Variants in SGCZ observed in about 807,000 individuals in gnomAD.
SGCZ encodes sarcoglycan zeta.
Under a neutral mutation model 41.3 loss-of-function variants are expected in SGCZ, and 40 were observed. The ratio of observed to expected loss-of-function variants is 0.97; its 90% CI spans 0.75 to 1.26. SGCZ has a LOEUF of 1.26. Ranked by LOEUF, SGCZ falls within the 50% of genes most tolerant of loss-of-function variation. The pLI, the probability that SGCZ is intolerant of heterozygous loss-of-function variation, is 0.00. For missense variants in SGCZ, 552 were observed against 369.8 expected (o/e 1.49, Z -4.04); for synonymous variants, 206 against 137.5 (o/e 1.50, Z -3.49).
At chr8:14,923,267 T>C (rs925040284) in intron 1 of SGCZ, among the ~76,000 whole-genome samples, 1 of 152,214 alleles carries the variant, frequency 6.6e-6, no homozygotes, top group African/African-American at 2.4e-5. Flanking sequence ...CTCAATGGAA[T>C]GGTTGCTATT....
intron 1 of SGCZ, among the ~76,000 whole-genome samples, chr8:14,950,204 C>G (rs1800588056): frequency 6.6e-6 from 1 of 152,016 alleles, no homozygotes; most frequent in South Asian, 2.1e-4. Context: ...TCAGGTCCAT[C>G]TTGCAGAGAA....
intron 1 of SGCZ, among the ~76,000 whole-genome samples, chr8:14,787,908 T>A (rs1800821338): frequency 6.6e-6 from 1 of 152,166 alleles, no homozygotes; most frequent in South Asian, 2.1e-4. Flanking sequence ...TGTTTCAGTA[T>A]CAAAGATAAC....
intron 4 of SGCZ, among the ~76,000 whole-genome samples, chr8:14,204,744 ACTTATTTTCCTACC>A (rs1405742874): frequency 3.9e-5 from 6 of 152,122 alleles, no homozygotes; most frequent in Admixed American, 3.9e-4. Flanking sequence ...GCTGGGACAC[ACTTATTTTCCTACC>A]CTTGGACCTC....
chr8:14,236,308 T>C (rs1006184414), intron 4 of SGCZ, among the ~76,000 whole-genome samples: 4 of 152,192 alleles, frequency 2.6e-5, no homozygotes, highest in African/African-American at 9.6e-5. Context: ...CACAAAATAT[T>C]ATCCAGTTGT....
chr8:14,469,044 TA>T (rs112439784), intron 2 of SGCZ, among the ~76,000 whole-genome samples: 5,412 of 152,124 alleles, frequency 0.036, 295 homozygotes, highest in African/African-American at 0.12. Flanking sequence ...TCTTTCTAAT[TA>T]GTTCTCCATG....
At chr8:14,684,813 G>T (rs13271787) in intron 1 of SGCZ, among the ~76,000 whole-genome samples, 94,166 of 151,908 alleles carry the variant, frequency 0.62, 31,799 homozygotes, top group Non-Finnish European at 0.75. Context: ...TAACCCTATT[G>T]GTAGCAGGCC....
chr8:15,233,219 A>G (rs912390523), intron 1 of SGCZ, among the ~76,000 whole-genome samples: 3 of 151,790 alleles, frequency 2.0e-5, no homozygotes, highest in African/African-American at 7.3e-5. Flanking sequence ...ATTTTTCACT[A>G]TAGAATGACT....
intron 1 of SGCZ, among the ~76,000 whole-genome samples, chr8:15,227,466 T>C (rs987908823): frequency 2.0e-5 from 3 of 152,226 alleles, no homozygotes; most frequent in Non-Finnish European, 4.4e-5. Flanking sequence ...ACACGTCTTA[T>C]AATGTAAACT....
chr8:14,947,690 A>T (rs184984269), intron 1 of SGCZ, among the ~76,000 whole-genome samples: 56 of 152,332 alleles, frequency 3.7e-4, no homozygotes, highest in African/African-American at 1.3e-3. Flanking sequence ...TGTTTAATCC[A>T]TTATAGATGA....
chr8:14,264,631 A>G (rs998969391), intron 3 of SGCZ, among the ~76,000 whole-genome samples: 1 of 152,154 alleles, frequency 6.6e-6, no homozygotes, highest in African/African-American at 2.4e-5. Flanking sequence ...GAAAATAATC[A>G]GTCTGCTTAG....
At chr8:14,390,300 T>C (rs927262930) in intron 2 of SGCZ, among the ~76,000 whole-genome samples, 1 of 151,838 alleles carries the variant, frequency 6.6e-6, no homozygotes, top group Admixed American at 6.6e-5. Context: ...TAAAATATTA[T>C]TTTGTTTAAT....
chr8:14,712,561 G>T (rs1809555349), intron 1 of SGCZ, among the ~76,000 whole-genome samples: 1 of 152,112 alleles, frequency 6.6e-6, no homozygotes, highest in South Asian at 2.1e-4. Flanking sequence ...CTTTTGGGGG[G>T]AGACAAATGG....
intron 2 of SGCZ, among the ~76,000 whole-genome samples, chr8:14,444,048 G>A (rs1453158145): frequency 2.0e-5 from 3 of 152,090 alleles, no homozygotes; most frequent in Non-Finnish European, 4.4e-5. Context: ...GCAGCCAAAA[G>A]ACACATGAAA....
chr8:14,406,915 C>T (rs1271951529), intron 2 of SGCZ, among the ~76,000 whole-genome samples: 1 of 152,158 alleles, frequency 6.6e-6, no homozygotes, highest in Non-Finnish European at 1.5e-5. Context: ...TACTTCAATA[C>T]AATTTGCTAT....
At chr8:14,575,557 T>C (rs1258855645) in intron 1 of SGCZ, among the ~76,000 whole-genome samples, 7 of 152,174 alleles carry the variant, frequency 4.6e-5, no homozygotes, top group Non-Finnish European at 1.0e-4. Context: ...AAAACATGAA[T>C]TTTCATTAAC....
chr8:14,239,081 G>T (rs946156174), intron 3 of SGCZ, among the ~76,000 whole-genome samples: 3 of 151,518 alleles, frequency 2.0e-5, no homozygotes, highest in Admixed American at 6.6e-5. Context: ...TCTCCTAAAA[G>T]ATCTAAAATA....
chr8:15,188,672 G>C (rs887311636), intron 1 of SGCZ, among the ~76,000 whole-genome samples: 1 of 152,094 alleles, frequency 6.6e-6, no homozygotes, highest in Non-Finnish European at 1.5e-5. Context: ...TATTTGCATA[G>C]AAATAATTAC....
chr8:14,704,049 T>G (rs1809252654), intron 1 of SGCZ, among the ~76,000 whole-genome samples: 1 of 152,032 alleles, frequency 6.6e-6, no homozygotes, highest in African/African-American at 2.4e-5. Context: ...TCAGTTATAC[T>G]TACTCAATGT....
chr8:15,141,358 A>AC (rs1808314488), intron 1 of SGCZ, among the ~76,000 whole-genome samples: 1 of 152,326 alleles, frequency 6.6e-6, no homozygotes, highest in South Asian at 2.1e-4. Flanking sequence ...AGTCATGTTG[A>AC]TTTAGGTATA....
Sources: gnomAD v4.1 joint callset for allele counts (sites outside exome capture counted in the v4.1 genomes callset) on GRCh38, gnomAD v4.1.1 for gene constraint, MANE v1.5 for transcripts, NCBI Gene and HGNC (gene_info 2026-07-23, HGNC 2026-07-21) for gene names.